Variants in FANCC observed in about 807,000 individuals in gnomAD.
The protein encoded by FANCC is FA complementation group C, also known as Fanconi anemia group C protein.
In FANCC, 55 loss-of-function variants were observed where a neutral mutation model predicts 71.3. The ratio of observed to expected loss-of-function variants is 0.77; its 90% confidence interval spans 0.62 to 0.97. FANCC has a LOEUF of 0.97. Among genes scored for constraint, FANCC ranks in the 50% least tolerant of loss-of-function variants. The pLI is 0.00. For missense variants in FANCC, 678 were observed against 670.9 expected (o/e 1.01, Z -0.12); for synonymous variants, 275 against 244.9 (o/e 1.12, Z -1.15).
chr9:95,221,169 T>C (rs966489532), intron 4 of FANCC, among the ~76,000 whole-genome samples: 4 of 151,996 alleles, frequency 2.6e-5, no homozygotes, highest in African/African-American at 7.3e-5. Flanking sequence ...GGAGCTGAGA[T>C]TGCGCCACTG....
intron 8 of FANCC, 163 bp from the exon 9 acceptor site, chr9:95,126,744 C>T (rs1826040343): frequency 3.0e-6 from 2 of 675,212 alleles, no homozygotes; most frequent in Non-Finnish European, 2.7e-6. Flanking sequence ...AAACGCCCCA[C>T]ATACAAGTGC....
intron 6 of FANCC, among the ~76,000 whole-genome samples, chr9:95,156,097 T>C (rs1038294959): frequency 6.6e-6 from 1 of 152,160 alleles, no homozygotes; most frequent in Admixed American, 6.5e-5. Flanking sequence ...GTTTATTCTC[T>C]AGTTTATAAT....
chr9:95,284,852 CCT>C (rs200136544), intron 1 of FANCC, among the ~76,000 whole-genome samples: 1,576 of 139,618 alleles, frequency 0.011, 28 homozygotes, highest in African/African-American at 0.042. Context: ...CTCTAAGACT[CCT>C]CTCTCTCACA....
chr9:95,138,453 G>A (rs1564682810), intron 7 of FANCC, among the ~76,000 whole-genome samples: 1 of 152,210 alleles, frequency 6.6e-6, no homozygotes, highest in Non-Finnish European at 1.5e-5. Flanking sequence ...AACACCCCTG[G>A]GTGTGGAGAG....
chr9:95,173,194 T>C (rs887763351), intron 4 of FANCC, among the ~76,000 whole-genome samples: 2 of 152,202 alleles, frequency 1.3e-5, no homozygotes, highest in Non-Finnish European at 2.9e-5. Context: ...TGGGGTTCTA[T>C]GAAACATGTA....
In FANCC at chr9:95,100,446, T is replaced by C; in HGVS notation, c.*1261A>G. ...TTCTAATCCAGCAAAACTTTGCTCA[T>C]ACCTCAAAACGGAGCCAAGACTCAG... On this transcript the variant is annotated 3_prime_UTR_variant, in exon 15 of 15. Coordinates refer to ENST00000289081, the MANE Select transcript of FANCC (RefSeq NM_000136.3). The C allele has an allele frequency of 4.3e-6, 1 of 231,486 alleles. No individual in the cohort carries two copies. The highest frequency in any genetic ancestry group is 2.2e-5 in the African/African-American group (1 of 45,352). 14.3% of individuals were successfully genotyped at this position (231,486 alleles called of 1,614,324 possible).
chr9:95,101,417 C>T lies in FANCC; in HGVS notation c.*290G>A, dbSNP rs2071068034. 4.1e-6 allele frequency: 2 copies of T among 489,832 alleles called. No homozygotes were observed. Among genetic ancestry groups the T allele is most frequent in the South Asian group, 4.8e-5 (2 of 41,802 alleles). 30.3% of individuals were successfully genotyped at this position (489,832 alleles called of 1,614,324 possible). A position where few individuals can be genotyped will look rare whatever the true frequency, so the allele number is the denominator to read the frequency against. ...CTAGAAACCTGTTCTCCCACCCAGG[C>T]CTTTGCTTTAGTAATTATCAAGCTG... On this transcript the variant is annotated 3_prime_UTR_variant, in exon 15 of 15. Coordinates refer to ENST00000289081, the MANE Select transcript of FANCC (RefSeq NM_000136.3).
intron 14 of FANCC, among the ~76,000 whole-genome samples, chr9:95,105,381 T>C (rs1185472754): frequency 6.6e-6 from 1 of 152,186 alleles, no homozygotes; most frequent in African/African-American, 2.4e-5. Context: ...ACAGGTGTTG[T>C]TGGTTTGTGA....
intron 4 of FANCC, among the ~76,000 whole-genome samples, chr9:95,216,053 G>A (rs1448334371): frequency 1.3e-5 from 2 of 152,122 alleles, no homozygotes; most frequent in African/African-American, 4.8e-5. Flanking sequence ...AGATGAAAAA[G>A]CAGCAGGTGT....
At chr9:95,265,937 A>C (rs930022121) in intron 1 of FANCC, among the ~76,000 whole-genome samples, 1 of 152,176 alleles carries the variant, frequency 6.6e-6, no homozygotes, top group African/African-American at 2.4e-5. Flanking sequence ...AAGGAAACAC[A>C]GGGGGCTGCA....
intron 7 of FANCC, chr9:95,145,367 CTTCA>C (rs1270600481): frequency 6.6e-6 from 1 of 152,184 alleles, no homozygotes; most frequent in African/African-American, 2.4e-5. Context: ...ACAACACTCC[CTTCA>C]GATCACAAAA....
At position 95,129,564 on chromosome 9, in the gene FANCC, G is replaced by A. The variant is rs528260646; in HGVS notation, c.844-2983C>T. On this transcript the variant is annotated intron_variant, in intron 8 of 14. Transcript: ENST00000289081. ...CAGGGCTCTGAAGCCCCATGACTGC[G>A]GCCATTATCTTTTCTATAAAAGCGG... 4.6e-5 allele frequency among the ~76,000 whole-genome samples: 7 copies of A among 152,244 alleles called. No homozygotes were observed. The South Asian group carries it at 8.3e-4, about 18-fold the overall frequency.
At chr9:95,159,834 A>C (rs893638559) in intron 6 of FANCC, among the ~76,000 whole-genome samples, 1 of 151,294 alleles carries the variant, frequency 6.6e-6, no homozygotes, top group South Asian at 2.1e-4. Flanking sequence ...ATGTCTTGAG[A>C]GTGTCTGTTC....
At position 95,101,346 on chromosome 9, in the gene FANCC, C is replaced by T; in HGVS notation, c.*361G>A. On this transcript the variant is annotated 3_prime_UTR_variant, in exon 15 of 15. Transcript: ENST00000289081. Reference sequence around the variant, plus strand: ...CATGACCAAATTCTTGGTTCTAAGACTTTGAATTTTTAAATAATAGATGTG... The same window carrying T: ...CATGACCAAATTCTTGGTTCTAAGATTTTGAATTTTTAAATAATAGATGTG... 1 of 382,952 alleles carries T rather than the reference C, an allele frequency of 2.6e-6. No individual in the cohort carries two copies. Among genetic ancestry groups the T allele is most frequent in the South Asian group, 3.5e-5 (1 of 28,596 alleles). 23.7% of individuals were successfully genotyped at this position (382,952 alleles called of 1,614,324 possible).
intron 6 of FANCC, among the ~76,000 whole-genome samples, chr9:95,156,212 G>C (rs1036009986): frequency 5.9e-5 from 9 of 152,136 alleles, no homozygotes; most frequent in Non-Finnish European, 8.8e-5. Flanking sequence ...GTCCATGCTG[G>C]CATCCCAGCT....
At chr9:95,240,511 AAC>A in intron 4 of FANCC, 136 bp downstream of exon 4, 1 of 649,186 alleles carries the variant, frequency 1.5e-6, no homozygotes, top group Non-Finnish European at 2.8e-6. Flanking sequence ...AAGATAATGT[AAC>A]AGTGAAGGGT....
At chr9:95,179,645 C>A (rs1281977275) in intron 4 of FANCC, among the ~76,000 whole-genome samples, 1 of 152,124 alleles carries the variant, frequency 6.6e-6, no homozygotes. Flanking sequence ...CCATGCCCAG[C>A]CGGTATTCTA....
chr9:95,156,868 A>G (rs146711271), intron 6 of FANCC, among the ~76,000 whole-genome samples: 1 of 152,262 alleles, frequency 6.6e-6, no homozygotes, highest in African/African-American at 2.4e-5. Flanking sequence ...AATAGGTATC[A>G]TAATACCACA....
At chr9:95,188,586 C>A (rs1826879664) in intron 4 of FANCC, among the ~76,000 whole-genome samples, 1 of 152,184 alleles carries the variant, frequency 6.6e-6, no homozygotes, top group Admixed American at 6.5e-5. Context: ...ACATATTGCT[C>A]CTGTCCATAA....
Sources: gnomAD v4.1 joint callset for allele counts (sites outside exome capture counted in the v4.1 genomes callset) on GRCh38, gnomAD v4.1.1 for gene constraint, MANE v1.5 for transcripts, NCBI Gene and HGNC (gene_info 2026-07-23, HGNC 2026-07-21) for gene names.